TET3: variants seen among roughly 807,000 people sequenced by gnomAD.
TET3 encodes tet methylcytosine dioxygenase 3, also known as methylcytosine dioxygenase TET3.
A neutral mutation model predicts 141.4 loss-of-function variants in TET3; 19 were observed. The observed-to-expected ratio is 0.13, with a 90% CI of 0.09 to 0.20. TET3 has a LOEUF of 0.20. Among genes scored for constraint, TET3 ranks in the 10% least tolerant of loss-of-function variants. TET3 has a pLI of 1.00. For missense variants in TET3, 1,874 were observed against 2,356.9 expected, an observed-to-expected ratio of 0.80 and a Z score of 4.24; for synonymous variants, 1,043 against 980.9, an observed-to-expected ratio of 1.06 and a Z score of -1.18.
chr2:74,037,354 C>T (rs922758331), intron 3 of TET3, among the ~76,000 whole-genome samples: 2 of 152,224 alleles, frequency 1.3e-5, no homozygotes, highest in East Asian at 3.8e-4. Flanking sequence ...AGAGTGGGGC[C>T]ATCCATTTGG....
chr2:73,994,884 G>A (rs1364292423), intron 2 of TET3, among the ~76,000 whole-genome samples: 1 of 151,496 alleles, frequency 6.6e-6, no homozygotes, highest in Non-Finnish European at 1.5e-5. Flanking sequence ...TGATCCACTC[G>A]CCTTAGCCTC....
chr2:74,081,990 G>A (rs1689858156), intron 6 of TET3, among the ~76,000 whole-genome samples: 2 of 152,202 alleles, frequency 1.3e-5, no homozygotes, highest in Non-Finnish European at 2.9e-5. Flanking sequence ...ATGGTGGGGT[G>A]TTACCTCCCC....
chr2:74,099,151 A>T, intron 10 of TET3, 125 bp from the exon 11 acceptor site: 3 of 824,308 alleles, frequency 3.6e-6, no homozygotes, highest in Non-Finnish European at 5.6e-6. Flanking sequence ...TCTTGGAAGT[A>T]GTAGTGGCTG....
At chr2:74,048,447 A>G (rs1020908186) in intron 4 of TET3, 36 bp downstream of exon 4, 5 of 1,562,524 alleles carry the variant, frequency 3.2e-6, no homozygotes, top group Admixed American at 3.8e-5. Flanking sequence ...GGGCAGAGAA[A>G]GGGCTGTGGC....
chr2:74,124,651 G>A, the TET3 span, among the ~76,000 whole-genome samples: 2 of 152,166 alleles, frequency 1.3e-5, no homozygotes, highest in South Asian at 4.1e-4. Flanking sequence ...TCTGAAACAT[G>A]TGCTGTGTCC....
At chr2:74,110,302 C>CTTAATTTTGTCAAA (rs377508423), downstream of TET3, among the ~76,000 whole-genome samples, 179 of 152,240 alleles carry the variant, frequency 1.2e-3, no homozygotes, top group African/African-American at 4.0e-3. Flanking sequence ...TATTTTGAAT[C>CTTAATTTTGTCAAA]TTAATTTTGT....
intron 4 of TET3, among the ~76,000 whole-genome samples, chr2:74,071,041 C>G (rs932371417): frequency 6.6e-6 from 1 of 152,140 alleles, no homozygotes; most frequent in African/African-American, 2.4e-5. Flanking sequence ...GCTGTAGAGG[C>G]TGAGAATGCT....
chr2:74,015,747 G>A (rs1017052692), intron 3 of TET3, among the ~76,000 whole-genome samples: 1 of 152,042 alleles, frequency 6.6e-6, no homozygotes, highest in Non-Finnish European at 1.5e-5. Context: ...TCATACAAAT[G>A]AAATTTTAAT....
At chr2:74,108,413 C>T (rs561083534), downstream of TET3, among the ~76,000 whole-genome samples, 4 of 152,308 alleles carry the variant, frequency 2.6e-5, no homozygotes, top group East Asian at 7.7e-4. Flanking sequence ...TTTTTCTCAT[C>T]TATGTTTCTC....
Position 73,995,438 on chromosome 2 carries a change from T to C in TET3, c.304-7672T>C, listed in dbSNP as rs538145384. 2.6e-5 allele frequency among the ~76,000 whole-genome samples: 4 copies of C among 152,314 alleles called. 1 individual carries two copies. The highest frequency in any genetic ancestry group is 9.6e-5 in the African/African-American group (4 of 41,568). On this transcript the variant is annotated intron_variant, in intron 2 of 11. Transcript: ENST00000409262. The stretch of plus-strand genomic sequence containing the variant: ...AATGTTATGTGAATGTGCAGGGGTG[T>C]GTTTTCTCAGGGGAGAGGATCCGTG...
intron 3 of TET3, among the ~76,000 whole-genome samples, chr2:74,041,278 A>G (rs1168452424): frequency 6.6e-6 from 1 of 152,158 alleles, no homozygotes; most frequent in African/African-American, 2.4e-5. Flanking sequence ...TCTTTTCCCA[A>G]ACAGTAGGCC....
the TET3 span, among the ~76,000 whole-genome samples, chr2:74,132,862 T>C: frequency 0.079 from 12,047 of 152,162 alleles, 1,593 homozygotes; most frequent in African/African-American, 0.27. Context: ...ACCCGTGTCC[T>C]TTCTGCAATT....
At chr2:74,050,584 C>G (rs1251590184) in intron 4 of TET3, among the ~76,000 whole-genome samples, 1 of 152,152 alleles carries the variant, frequency 6.6e-6, no homozygotes. Context: ...GGGTCTCACT[C>G]TGTTGCGGGG....
At position 74,101,369 on chromosome 2, in the gene TET3, G is replaced by T; in HGVS notation, c.4581G>T (p.Gly1527=). 1 of 1,613,942 alleles carries T rather than the reference G, an allele frequency of 6.2e-7. No homozygotes were observed. The highest frequency in any genetic ancestry group is 8.5e-7 in the Non-Finnish European group (1 of 1,179,896). Residue 1527 remains glycine, a synonymous_variant, in exon 12 of 12, where the codon GGG becomes GGT. Transcript: ENST00000409262. The surrounding 1 kb of genome is among the most constrained non-coding windows in gnomAD (Gnocchi z 8.5). ...KFGNSTSALA[G]PSLTEKPWAL... is the part of the protein sequence containing the mutation. ...GGAACAGCACCTCGGCCTTGGCTGG[G>T]CCCAGCCTGACTGAGAAGCCGTGGG... is the stretch of plus-strand genomic sequence containing the variant.
the TET3 span, chr2:74,135,206 A>C: frequency 1.4e-5 from 4 of 292,222 alleles, no homozygotes; most frequent in Admixed American, 1.9e-4. Context: ...AAACGAAAAG[A>C]ACAGCAATAG....
chr2:73,994,420 A>G (rs1163998639), intron 2 of TET3, among the ~76,000 whole-genome samples: 2 of 152,148 alleles, frequency 1.3e-5, no homozygotes, highest in Non-Finnish European at 2.9e-5. Context: ...AGAATTGTCT[A>G]GCATTTATGA....
intron 5 of TET3, among the ~76,000 whole-genome samples, chr2:74,080,077 A>G (rs1250720905): frequency 6.6e-6 from 1 of 152,242 alleles, no homozygotes; most frequent in African/African-American, 2.4e-5. Flanking sequence ...TTCAAAGAGA[A>G]TAATAAGGGT....
At chr2:74,076,416 A>G (rs1689505766) in intron 5 of TET3, among the ~76,000 whole-genome samples, 1 of 143,364 alleles carries the variant, frequency 7.0e-6, no homozygotes, top group Non-Finnish European at 1.5e-5. Context: ...TGGCCCATAG[A>G]ACCTATTCAG....
the TET3 span, among the ~76,000 whole-genome samples, chr2:74,119,912 C>A: frequency 2.6e-5 from 4 of 152,178 alleles, no homozygotes; most frequent in African/African-American, 7.2e-5. Context: ...GTTTTAAATA[C>A]TTGTCAAATT....
Sources: gnomAD v4.1 joint callset for allele counts (sites outside exome capture counted in the v4.1 genomes callset) on GRCh38, gnomAD v4.1.1 for gene constraint, Gnocchi (gnomAD v3.1) non-coding constraint, MANE v1.5 for transcripts, NCBI Gene and HGNC (gene_info 2026-07-23, HGNC 2026-07-21) for gene names.